The following TRMT9B variants were observed in gnomAD, a reference collection of about 807,000 sequenced individuals.
TRMT9B encodes the protein probable tRNA methyltransferase 9B.
TRMT9B carries 16 observed loss-of-function variants against 11.5 expected under a neutral mutation model. That is an observed-to-expected ratio of 1.39 (90% confidence interval 0.94 to 2.11). The LOEUF (loss-of-function observed/expected upper bound fraction) is 2.11. Ranked by LOEUF, TRMT9B falls within the 30% of genes most tolerant of loss-of-function variation. The probability of loss-of-function intolerance (pLI) is 0.00; values close to 1 mark genes in which losing one functional copy is unlikely to be tolerated. For synonymous variants in TRMT9B, 274 were observed against 192.4 expected, an observed-to-expected ratio of 1.42 and a Z score of -3.51; for missense variants, 941 against 553.8, an observed-to-expected ratio of 1.70 and a Z score of -7.02.
At chr8:12,961,293 G>C (rs561358377) in intron 1 of TRMT9B, among the ~76,000 whole-genome samples, 94 of 152,164 alleles carry the variant, frequency 6.2e-4, no homozygotes, top group Non-Finnish European at 1.1e-3. Context: ...TATCAATAGT[G>C]GTTCATCAGT....
At chr8:12,998,080 T>C (rs1293261911) in intron 2 of TRMT9B, among the ~76,000 whole-genome samples, 1 of 152,220 alleles carries the variant, frequency 6.6e-6, no homozygotes, top group Non-Finnish European at 1.5e-5. Flanking sequence ...CGCCCATTTT[T>C]CAATTGTGTT....
intron 1 of TRMT9B, among the ~76,000 whole-genome samples, chr8:12,960,804 T>C (rs2946497): frequency 0.31 from 46,439 of 151,546 alleles, 7,678 homozygotes; most frequent in East Asian, 0.65. Context: ...ATGGGTCGAG[T>C]GTGGGGGTAA....
At chr8:12,979,423 C>A (rs544254833) in intron 1 of TRMT9B, among the ~76,000 whole-genome samples, 1 of 152,064 alleles carries the variant, frequency 6.6e-6, no homozygotes, top group Non-Finnish European at 1.5e-5. Flanking sequence ...TTGCAGTGAG[C>A]CAATATCATG....
At chr8:13,019,857 G>C (rs182629111) in intron 4 of TRMT9B, among the ~76,000 whole-genome samples, 118 of 152,240 alleles carry the variant, frequency 7.8e-4, no homozygotes, top group African/African-American at 2.6e-3. Flanking sequence ...AAATACACTG[G>C]TGTGTTGTTC....
Position 12,952,662 on chromosome 8 carries a change from C to T in TRMT9B, c.-200+6696C>T, listed in dbSNP as rs143450300. The T allele has an allele frequency of 7.9e-4, 779 of 983,954 alleles. 6 individuals carry two copies. The African/African-American group carries it at 0.013, about 16-fold the overall frequency. 61.0% of individuals were successfully genotyped at this position (983,954 alleles called of 1,614,324 possible). A position where few individuals can be genotyped will look rare whatever the true frequency, so the allele number is the denominator to read the frequency against. Reference sequence around the variant, plus strand: ...TTGAAGCCAGAAAGTTTTCAAAGCTCACGATGAAAATACAGTTTAAGAAGG... The same window carrying T: ...TTGAAGCCAGAAAGTTTTCAAAGCTTACGATGAAAATACAGTTTAAGAAGG... On this transcript the variant is annotated intron_variant, in intron 1 of 4. Coordinates refer to ENST00000524591, the MANE Select transcript of TRMT9B (RefSeq NM_020844.3).
At chr8:13,010,013 C>T (rs924575162) in intron 3 of TRMT9B, among the ~76,000 whole-genome samples, 1 of 151,764 alleles carries the variant, frequency 6.6e-6, no homozygotes, top group Non-Finnish European at 1.5e-5. Flanking sequence ...ATACACGTGC[C>T]TGTAGTCTCA....
chr8:13,012,235 G>A, intron 3 of TRMT9B: 1 of 984,326 alleles, frequency 1.0e-6, no homozygotes, highest in Non-Finnish European at 1.2e-6. Context: ...TTTTGCTTTT[G>A]TGAATACCTT....
At chr8:12,989,515 C>T (rs1045063903) in intron 1 of TRMT9B, among the ~76,000 whole-genome samples, 2 of 152,166 alleles carry the variant, frequency 1.3e-5, no homozygotes, top group African/African-American at 4.8e-5. Context: ...TACTTCTACA[C>T]TAGCTACAAT....
chr8:12,997,610 A>C (rs1808600277), intron 2 of TRMT9B, among the ~76,000 whole-genome samples: 1 of 152,220 alleles, frequency 6.6e-6, no homozygotes, highest in Non-Finnish European at 1.5e-5. Flanking sequence ...CATTCTATGA[A>C]TATACCACAA....
At chr8:12,973,704 C>G (rs906837956) in intron 1 of TRMT9B, among the ~76,000 whole-genome samples, 2 of 152,086 alleles carry the variant, frequency 1.3e-5, no homozygotes, top group Non-Finnish European at 2.9e-5. Flanking sequence ...GTGGATTATC[C>G]GTTTCAGAAA....
At chr8:12,953,134 G>C (rs1337529875) in intron 1 of TRMT9B, among the ~76,000 whole-genome samples, 1 of 152,216 alleles carries the variant, frequency 6.6e-6, no homozygotes, top group Non-Finnish European at 1.5e-5. Context: ...TCTACTTGCA[G>C]AGCTTTATGT....
chr8:13,015,271 G>T (rs935216159), intron 4 of TRMT9B, among the ~76,000 whole-genome samples: 1 of 151,058 alleles, frequency 6.6e-6, no homozygotes, highest in Non-Finnish European at 1.5e-5. Context: ...TAGATGTCTT[G>T]TTACATCTTG....
chr8:13,001,778 C>T (rs1055467373), intron 2 of TRMT9B, among the ~76,000 whole-genome samples: 3 of 152,170 alleles, frequency 2.0e-5, no homozygotes, highest in African/African-American at 7.2e-5. Context: ...AAAGGAGGGA[C>T]ACAATGTGAG....
intron 2 of TRMT9B, 136 bp from the exon 3 acceptor site, chr8:13,006,066 C>A: frequency 4.0e-6 from 3 of 755,318 alleles, no homozygotes; most frequent in South Asian, 2.1e-5. Context: ...TTGTTCTTTG[C>A]AGCTTATAAG....
intron 2 of TRMT9B, among the ~76,000 whole-genome samples, chr8:13,003,144 C>A (rs1809778666): frequency 6.6e-6 from 1 of 152,126 alleles, no homozygotes. Flanking sequence ...AGAAAAATAT[C>A]TTATCTAAAT....
At chr8:13,000,451 C>T (rs548092359) in intron 2 of TRMT9B, among the ~76,000 whole-genome samples, 2 of 152,156 alleles carry the variant, frequency 1.3e-5, no homozygotes, top group Non-Finnish European at 2.9e-5. Context: ...CTCTTCCATC[C>T]TCCAAGAAAT....
intron 2 of TRMT9B, among the ~76,000 whole-genome samples, chr8:12,992,212 CATAG>C (rs1027782310): frequency 8.5e-5 from 13 of 152,128 alleles, no homozygotes; most frequent in African/African-American, 3.1e-4. Context: ...ACAGATGAGA[CATAG>C]ATAGAGATAT....
At chr8:12,972,092 A>G (rs1803727208) in intron 1 of TRMT9B, among the ~76,000 whole-genome samples, 1 of 152,246 alleles carries the variant, frequency 6.6e-6, no homozygotes, top group South Asian at 2.1e-4. Flanking sequence ...TTATGTTAAC[A>G]GAGAAAATTT....
At chr8:13,016,949 AC>A (rs1563441917) in intron 4 of TRMT9B, among the ~76,000 whole-genome samples, 2 of 150,556 alleles carry the variant, frequency 1.3e-5, no homozygotes, top group African/African-American at 4.9e-5. Context: ...ATATGGTGAA[AC>A]CCCATCTGTA....
Sources: gnomAD v4.1 joint callset for allele counts (sites outside exome capture counted in the v4.1 genomes callset) on GRCh38, gnomAD v4.1.1 for gene constraint, MANE v1.5 for transcripts, NCBI Gene and HGNC (gene_info 2026-07-23, HGNC 2026-07-21) for gene names.